HLTF: variants seen among roughly 807,000 people sequenced by gnomAD.
HLTF encodes helicase like transcription factor.
In HLTF, 127 loss-of-function variants were observed where a neutral mutation model predicts 129.4. The ratio of observed to expected loss-of-function variants is 0.98; its 90% CI spans 0.85 to 1.14. The LOEUF is 1.14. HLTF is among the 50% of genes most tolerant of loss of function. The pLI, the probability that HLTF is intolerant of heterozygous loss-of-function variation, is 0.00. For synonymous variants in HLTF, 332 were observed against 388.8 expected (o/e 0.85, Z 1.72); for missense variants, 1,139 against 1,187.1 (o/e 0.96, Z 0.60).
intron 13 of HLTF, 136 bp from the exon 14 acceptor site, chr3:149,055,536 G>A: frequency 6.4e-6 from 4 of 621,094 alleles, no homozygotes; most frequent in South Asian, 2.2e-5. Context: ...ACTTTTAACA[G>A]GGAATAAATT....
chr3:149,058,062 G>A (rs1343911567), intron 13 of HLTF, among the ~76,000 whole-genome samples: 1 of 152,054 alleles, frequency 6.6e-6, no homozygotes, highest in Non-Finnish European at 1.5e-5. Context: ...ATTTTTTAAT[G>A]TCTGAAAATA....
chr3:149,050,913 CTTA>C (rs938337342), intron 14 of HLTF, among the ~76,000 whole-genome samples: 31 of 151,948 alleles, frequency 2.0e-4, no homozygotes, highest in African/African-American at 6.5e-4. Context: ...GTTTTAAAAA[CTTA>C]TTATTATTTT....
chr3:149,045,852 T>C (rs1229749051), intron 18 of HLTF, among the ~76,000 whole-genome samples: 1 of 152,188 alleles, frequency 6.6e-6, no homozygotes, highest in Non-Finnish European at 1.5e-5. Context: ...AACTTGTCAT[T>C]TAAAGTAAGC....
chr3:149,063,054 T>C (rs1276108096), intron 10 of HLTF: 6 of 456,768 alleles, frequency 1.3e-5, no homozygotes, highest in East Asian at 1.4e-4. Context: ...GTCATCTCTA[T>C]CTCTCTCTTT....
In HLTF at chr3:149,064,798, T is replaced by TA. The variant is rs1718215955; in HGVS notation, c.1058dup (p.Ser354LysfsTer6). The TA allele has an allele frequency of 6.4e-7, 1 of 1,567,544 alleles. No individual in the cohort carries two copies. The highest frequency in any genetic ancestry group is 8.8e-7 in the Non-Finnish European group (1 of 1,138,276). On this transcript the variant is annotated frameshift_variant, in exon 9 of 25. Coordinates refer to ENST00000310053, the MANE Select transcript of HLTF (RefSeq NM_003071.4). LOFTEE classifies it high-confidence loss of function. The stretch of plus-strand genomic sequence containing the variant: ...TTCAAAATTAGCATTTACCTTTGCT[T>TA]AGTCCATCTGCCTTTTCACTGGTAT...
At chr3:149,081,567 T>C (rs1719877678) in intron 2 of HLTF, among the ~76,000 whole-genome samples, 1 of 151,804 alleles carries the variant, frequency 6.6e-6, no homozygotes, top group Admixed American at 6.6e-5. Flanking sequence ...TCATAGCTAA[T>C]CAATAAAAAA....
intron 4 of HLTF, 131 bp downstream of exon 4, chr3:149,074,084 A>C: frequency 1.3e-6 from 1 of 747,074 alleles, no homozygotes; most frequent in Non-Finnish European, 2.0e-6. Context: ...CCTCAAAAAG[A>C]CTCCTGAAAA....
chr3:149,032,246 C>G lies in HLTF; in HGVS notation c.3004G>C (p.Glu1002Gln), dbSNP rs1029949009. Residue 1002 changes from glutamate (E) to glutamine (Q), a missense_variant, in exon 25 of 25, where the codon GAA becomes CAA. By Grantham distance (29) the Glu-to-Gln change is conservative. Transcript: ENST00000310053. ...TATAAGTCAATTAATGTTCTGATTT[C>G]ATTAATTTTGGCTTGTTTCATTTCG... ...ADEMKQAKIN[E>Q]IRTLIDL 4 of 1,594,328 alleles carry G rather than the reference C, an allele frequency of 2.5e-6. No homozygotes were observed. The highest frequency in any genetic ancestry group is 3.4e-6 in the Non-Finnish European group (4 of 1,173,530).
At chr3:149,058,733 TCA>T (rs1032579477) in intron 13 of HLTF, among the ~76,000 whole-genome samples, 2 of 152,212 alleles carry the variant, frequency 1.3e-5, no homozygotes, top group African/African-American at 2.4e-5. Flanking sequence ...CTGTCTCCAT[TCA>T]CAGAGTTTTG....
rs541911968 is a variant in HLTF at position 149,041,342 on chromosome 3, A to T, written c.2376+148T>A. On this transcript the variant is annotated intron_variant, in intron 20 of 24. Coordinates refer to ENST00000310053, the MANE Select transcript of HLTF (RefSeq NM_003071.4). ...TTGCAAATGTTGCATTAGAAGAAATATATCACCTATTAAAATACTGGAATA... is the reference window on the plus strand; with the variant it reads ...TTGCAAATGTTGCATTAGAAGAAATTTATCACCTATTAAAATACTGGAATA... 8 of 447,714 alleles carry T rather than the reference A, an allele frequency of 1.8e-5. No homozygotes were observed. In the South Asian group the frequency reaches 7.3e-4, roughly 41 times the overall value. The allele number at this position is 447,714 out of a possible 1,614,324, so 27.7% of individuals were successfully genotyped here. A position where few individuals can be genotyped will look rare whatever the true frequency, so the allele number is the denominator to read the frequency against.
At chr3:149,078,751 G>A (rs1559883690) in intron 2 of HLTF, among the ~76,000 whole-genome samples, 1 of 151,812 alleles carries the variant, frequency 6.6e-6, no homozygotes, top group Non-Finnish European at 1.5e-5. Context: ...CAGTTACTCG[G>A]GAAGCTGACA....
rs763973596 is a variant in HLTF at position 149,086,369 on chromosome 3, G to A, written c.-33C>T. 26 of 1,571,694 alleles carry A rather than the reference G, an allele frequency of 1.7e-5. No individual in the cohort carries two copies. Among genetic ancestry groups the A allele is most frequent in the Non-Finnish European group, 2.2e-5 (25 of 1,158,150 alleles). On this transcript the variant is annotated 5_prime_UTR_variant, in exon 1 of 25. Coordinates refer to ENST00000310053, the MANE Select transcript of HLTF (RefSeq NM_003071.4). ...AGTGGGATGACAAGAGGAGCGCCTC[G>A]GCTCCCCTGGATCGTTTTCGAGCCG...
chr3:149,075,774 G>T, intron 3 of HLTF, 107 bp downstream of exon 3: 1 of 608,254 alleles, frequency 1.6e-6, no homozygotes, highest in Non-Finnish European at 2.7e-6. Flanking sequence ...AAAGTACAGT[G>T]ATAGAAATTG....
intron 24 of HLTF, among the ~76,000 whole-genome samples, chr3:149,034,623 T>C (rs1439214359): frequency 2.6e-5 from 4 of 152,224 alleles, no homozygotes; most frequent in Admixed American, 6.5e-5. Context: ...AATGTACTTA[T>C]GAGGTAGTCT....
chr3:149,055,445 AAT>A (rs766330766), intron 13 of HLTF, 45 bp from the exon 14 acceptor site: 2 of 1,252,500 alleles, frequency 1.6e-6, no homozygotes, highest in Non-Finnish European at 2.3e-6. Flanking sequence ...GTTTTTCTGA[AAT>A]ATATATGTCA....
At chr3:149,080,996 T>C (rs1429252290) in intron 2 of HLTF, among the ~76,000 whole-genome samples, 2 of 152,132 alleles carry the variant, frequency 1.3e-5, no homozygotes, top group African/African-American at 4.8e-5. Flanking sequence ...TTTTTCATAT[T>C]TTATACAATA....
At chr3:149,041,753 G>T in intron 19 of HLTF, 85 bp from the exon 20 acceptor site, 1 of 904,420 alleles carries the variant, frequency 1.1e-6, no homozygotes, top group Non-Finnish European at 1.7e-6. Flanking sequence ...AGTTTCGCTT[G>T]CCAGTAGGGA....
At chr3:149,052,791 A>C (rs767715784) in intron 14 of HLTF, among the ~76,000 whole-genome samples, 2 of 152,238 alleles carry the variant, frequency 1.3e-5, no homozygotes, top group Non-Finnish European at 2.9e-5. Context: ...CCAATATGAG[A>C]AAACTGAATC....
Position 149,039,049 on chromosome 3 carries a change from T to C in HLTF, c.2796A>G (p.Pro932=). ...SAASRVFLMD[P]AWNPAAEDQC... ...TGAAAAAATTTACAGAACTACTTAC[T>C]GGATCCATTAAAAACACTCGAGAAG... Residue 932 remains proline (P), a splice_region_variant and synonymous_variant, in exon 23 of 25, where the codon CCA becomes CCG. Transcript: ENST00000310053. The C allele has an allele frequency of 6.5e-7, 1 of 1,535,036 alleles. No individual in the cohort carries two copies. Among genetic ancestry groups the C allele is most frequent in the Non-Finnish European group, 8.7e-7 (1 of 1,143,110 alleles).
Sources: allele counts gnomAD v4.1 joint callset (sites outside exome capture counted in the v4.1 genomes callset), GRCh38; gene constraint gnomAD v4.1.1; transcripts MANE v1.5; gene names NCBI Gene and HGNC (gene_info 2026-07-23, HGNC 2026-07-21).